ADAM17: variants seen among roughly 807,000 people sequenced by gnomAD.
ADAM17 encodes the protein disintegrin and metalloproteinase domain-containing protein 17.
A neutral mutation model predicts 96.7 loss-of-function variants in ADAM17; 39 were observed. That is an observed-to-expected ratio of 0.40 (90% CI 0.31 to 0.53). ADAM17 has a LOEUF of 0.53. ADAM17 is among the 20% of genes least tolerant of loss of function. ADAM17 has a pLI of 0.44. For missense variants in ADAM17, 777 were observed against 1,013.2 expected (o/e 0.77, Z 3.17); for synonymous variants, 344 against 359.2 (o/e 0.96, Z 0.48).
At chr2:9,495,709 C>G (rs1454301277) in intron 14 of ADAM17, among the ~76,000 whole-genome samples, 1 of 85,748 alleles carries the variant, frequency 1.2e-5, no homozygotes, top group Non-Finnish European at 2.2e-5. Context: ...GAGACTCCAT[C>G]TCAAAAAAAA....
At position 9,497,100 on chromosome 2, in the gene ADAM17, A is replaced by G. The variant is rs1390548637; in HGVS notation, c.1783+14T>C. 1.2e-6 allele frequency: 2 copies of G among 1,612,562 alleles called. No homozygotes were observed. The highest frequency in any genetic ancestry group is 2.2e-5 in the East Asian group (1 of 44,836). On this transcript the variant is annotated intron_variant, in intron 14 of 18. Coordinates refer to ENST00000310823, the MANE Select transcript of ADAM17 (RefSeq NM_003183.6). ...GTTTTCTCCTGCTGCTGGACTGGGA[A>G]TAAAACTGCTCACCATTACATGCAC...
rs1426411444 is a variant in ADAM17 at position 9,553,246 on chromosome 2, A to G, written c.97+2263T>C. 3.9e-5 allele frequency among the ~76,000 whole-genome samples: 6 copies of G among 152,224 alleles called. No homozygotes were observed. The South Asian group carries it at 1.2e-3, about 32-fold the overall frequency. Reference sequence around the variant, plus strand: ...ATAACGTACTCTAGCACTCTCCTCTATGCTGTTTTAGAAGTGTCCTAAATG... The same window carrying G: ...ATAACGTACTCTAGCACTCTCCTCTGTGCTGTTTTAGAAGTGTCCTAAATG... On this transcript the variant is annotated intron_variant, in intron 1 of 18. Transcript: ENST00000310823.
intron 1 of ADAM17, among the ~76,000 whole-genome samples, chr2:9,554,649 A>C (rs62119384): frequency 0.15 from 22,820 of 152,224 alleles, 2,022 homozygotes; most frequent in Middle Eastern, 0.28. Flanking sequence ...AGTATCTTAC[A>C]CGTCAATTTT....
chr2:9,493,354 C>A (rs557477460), intron 16 of ADAM17, among the ~76,000 whole-genome samples: 1 of 152,136 alleles, frequency 6.6e-6, no homozygotes, highest in Non-Finnish European at 1.5e-5. Context: ...ACATGATATA[C>A]CCTGCTTCTG....
chr2:9,532,638 ATTTTTT>A (rs70948827), intron 4 of ADAM17, among the ~76,000 whole-genome samples: 6 of 114,284 alleles, frequency 5.3e-5, no homozygotes, highest in South Asian at 2.8e-4. Flanking sequence ...TGCCCAGCTA[ATTTTTT>A]TTTTTTTTTT....
At chr2:9,506,368 T>C (rs1327507851) in intron 11 of ADAM17, among the ~76,000 whole-genome samples, 1 of 143,642 alleles carries the variant, frequency 7.0e-6, no homozygotes, top group Non-Finnish European at 1.5e-5. Flanking sequence ...TGTTTTTTTT[T>C]TTTTTTTTTT....
intron 5 of ADAM17, 150 bp downstream of exon 5, chr2:9,527,636 T>C: frequency 2.1e-6 from 1 of 474,886 alleles, no homozygotes; most frequent in Non-Finnish European, 3.4e-6. Context: ...CAAAAGAAGA[T>C]GAAAATTTCT....
At chr2:9,548,254 C>T (rs1404900894) in intron 1 of ADAM17, among the ~76,000 whole-genome samples, 2 of 151,994 alleles carry the variant, frequency 1.3e-5, no homozygotes, top group East Asian at 3.9e-4. Context: ...ATCGCTTGAA[C>T]CCAGGAGGCA....
chr2:9,497,080 C>T (rs1183626845), intron 14 of ADAM17, 34 bp downstream of exon 14: 1 of 1,605,046 alleles, frequency 6.2e-7, no homozygotes. Context: ...GCCATGTTTT[C>T]TCCTGCTGCT....
chr2:9,505,914 T>C (rs1171624665), intron 11 of ADAM17, among the ~76,000 whole-genome samples: 5 of 152,164 alleles, frequency 3.3e-5, no homozygotes, highest in African/African-American at 1.2e-4. Context: ...ACATTTTATA[T>C]AAATTAAATC....
At chr2:9,498,261 G>A (rs959410574) in intron 13 of ADAM17, among the ~76,000 whole-genome samples, 4 of 152,054 alleles carry the variant, frequency 2.6e-5, no homozygotes, top group Non-Finnish European at 5.9e-5. Flanking sequence ...TAAAACTGCT[G>A]GGCTCAAGGG....
In ADAM17 at chr2:9,526,169, T is replaced by A; in HGVS notation, c.695A>T (p.Asp232Val). The A allele has an allele frequency of 6.2e-7, 1 of 1,613,742 alleles. No homozygotes were observed. Among genetic ancestry groups the A allele is most frequent in the Non-Finnish European group, 8.5e-7 (1 of 1,179,686 alleles). Residue 232 changes from aspartate (D) to valine (V), a missense_variant, in exon 6 of 19, where the codon GAT becomes GTT. Asp to Val is a radical substitution (Grantham distance 152, BLOSUM62 -3). Around this residue, in one of 3 missense-constraint regions of ADAM17, gnomAD observed 446 missense variants for 664.7 expected, o/e 0.67. Transcript: ENST00000310823. The stretch of plus-strand genomic sequence containing the variant: ...GCCCATGTATCTGTAGAAGCGATGA[T>A]CTGCTACCACCAATAATTTACACGT... ...KNTCKLLVVA[D>V]HRFYRYMGRG...
intron 10 of ADAM17, among the ~76,000 whole-genome samples, chr2:9,516,431 T>G (rs1046322061): frequency 2.0e-5 from 3 of 152,018 alleles, no homozygotes; most frequent in Non-Finnish European, 2.9e-5. Context: ...CAGATGTGTC[T>G]TTTGCAAATG....
At chr2:9,533,182 C>A (rs1341519394) in intron 4 of ADAM17, among the ~76,000 whole-genome samples, 1 of 148,622 alleles carries the variant, frequency 6.7e-6, no homozygotes, top group African/African-American at 2.5e-5. Flanking sequence ...GGGCGAGATG[C>A]CATCTTAAAA....
Position 9,536,760 on chromosome 2 carries a change from T to A in ADAM17, c.299A>T (p.Asp100Val), listed in dbSNP as rs747536329. 7.4e-6 allele frequency: 12 copies of A among 1,613,988 alleles called. No individual in the cohort carries two copies. The highest frequency in any genetic ancestry group is 1.3e-5 in the African/African-American group (1 of 74,918). The part of the protein sequence containing the change: ...FSQNFKVVVV[D>V]GKNESEYTVK... ...AGTGTACTCGCTTTCGTTTTTACCATCCACCACCACGACCTTGAAATTTTG... is the reference window on the plus strand; with the variant it reads ...AGTGTACTCGCTTTCGTTTTTACCAACCACCACCACGACCTTGAAATTTTG... The change falls in exon 3 of 19, where the codon GAT becomes GTT. Residue 100 changes from aspartate (D) to valine (V), a missense_variant. Transcript: ENST00000310823.
intron 11 of ADAM17, among the ~76,000 whole-genome samples, chr2:9,507,948 G>A (rs1305379015): frequency 6.6e-6 from 1 of 152,174 alleles, no homozygotes; most frequent in East Asian, 1.9e-4. Context: ...CTAGGCTCAA[G>A]TGATCTGCCC....
chr2:9,550,665 G>A (rs1159027572), intron 1 of ADAM17, among the ~76,000 whole-genome samples: 2 of 151,502 alleles, frequency 1.3e-5, no homozygotes, highest in African/African-American at 4.8e-5. Flanking sequence ...AGCTGGTCTT[G>A]AACTCCTGGC....
chr2:9,504,780 A>AC lies in ADAM17; in HGVS notation c.1544+385_1544+386insG, dbSNP rs1199446760. Among the ~76,000 whole-genome samples the AC allele has an allele frequency of 3.9e-5, 6 of 152,132 alleles. No individual in the cohort carries two copies. The East Asian group carries it at 1.2e-3, about 29-fold the overall frequency. ...TGTCTCAGGAAAAAAAAAAAAAAAA[A>AC]AGATTCTTTTAACTATAGGACTGCT... On this transcript the variant is annotated intron_variant, in intron 12 of 18. Transcript: ENST00000310823.
In ADAM17 at chr2:9,527,866, G is replaced by A; in HGVS notation, c.539C>T (p.Ser180Phe). The change falls in exon 5 of 19, where the codon TCT becomes TTT. Residue 180 changes from serine (S) to phenylalanine (F), a missense_variant. Coordinates refer to ENST00000310823, the MANE Select transcript of ADAM17 (RefSeq NM_003183.6). ...EDIKNVSRLQ[S>F]PKVCGYLKVD... The stretch of plus-strand genomic sequence containing the variant: ...TTTTAAATAACCACACACTTTTGGA[G>A]ACTGCAAACGTGAAACATTCTTGAT... 1.2e-6 allele frequency: 2 copies of A among 1,603,740 alleles called. No individual in the cohort carries two copies. Among genetic ancestry groups the A allele is most frequent in the South Asian group, 1.1e-5 (1 of 89,200 alleles).
Sources: allele counts gnomAD v4.1 joint callset (sites outside exome capture counted in the v4.1 genomes callset), GRCh38; gene constraint gnomAD v4.1.1; regional missense constraint gnomAD v4.1.1; transcripts MANE v1.5; gene names NCBI Gene and HGNC (gene_info 2026-07-23, HGNC 2026-07-21).